The following BTBD1 variants were observed in gnomAD, a reference collection of about 807,000 sequenced individuals.
The protein encoded by BTBD1 is BTB domain containing 1.
A neutral mutation model predicts 48.0 loss-of-function variants in BTBD1; 34 were observed. The observed-to-expected ratio is 0.71, with a 90% CI of 0.54 to 0.94. The LOEUF is 0.94. BTBD1 is among the 40% of genes least tolerant of loss of function. The pLI, the probability that BTBD1 is intolerant of heterozygous loss-of-function variation, is 0.00. For missense variants in BTBD1, 543 were observed against 625.6 expected (o/e 0.87, Z 1.41); for synonymous variants, 261 against 242.1 (o/e 1.08, Z -0.72).
chr15:83,063,400 C>T (rs933855833), intron 1 of BTBD1, among the ~76,000 whole-genome samples: 1 of 152,118 alleles, frequency 6.6e-6, no homozygotes, highest in Non-Finnish European at 1.5e-5. Flanking sequence ...CTTGGAAGTC[C>T]TCTTGGTTGT....
At chr15:83,024,209 T>C (rs1397572701) in intron 5 of BTBD1, 1 of 152,206 alleles carries the variant, frequency 6.6e-6, no homozygotes, top group East Asian at 1.9e-4. Context: ...CATTTGCTCA[T>C]ATGCTTACTG....
chr15:83,056,248 T>C, intron 2 of BTBD1, 141 bp downstream of exon 2: 1 of 572,360 alleles, frequency 1.7e-6, no homozygotes, highest in Non-Finnish European at 2.9e-6. Flanking sequence ...ATCTGACATG[T>C]TTCCCTGATT....
In BTBD1 at chr15:83,041,732, T is replaced by C; in HGVS notation, c.858A>G (p.Ala286=). 6.2e-7 allele frequency: 1 copy of C among 1,614,024 alleles called. No individual in the cohort carries two copies. The highest frequency in any genetic ancestry group is 8.5e-7 in the Non-Finnish European group (1 of 1,179,864). ...TTGGTGAATTTATACCCTTACCTGC[T>C]GCAAATTCCTCAATTGTCATCAGTG... The part of the protein sequence containing the change: ...RFPLMTIEEF[A]AGPAQSGILS... Residue 286 remains alanine (A), a synonymous_variant, in exon 4 of 8, where the codon GCA becomes GCG. Coordinates refer to ENST00000261721, the MANE Select transcript of BTBD1 (RefSeq NM_025238.4).
chr15:83,051,875 T>TACACACACACACACACACACACAC (rs1187803458), intron 2 of BTBD1, among the ~76,000 whole-genome samples: 610 of 43,604 alleles, frequency 0.014, 8 homozygotes, highest in African/African-American at 0.029. Context: ...TTTCCATATA[T>TACACACACACACACACACACACAC]ATACACACAC....
At chr15:83,060,625 C>A (rs1248506544) in intron 1 of BTBD1, among the ~76,000 whole-genome samples, 1 of 151,948 alleles carries the variant, frequency 6.6e-6, no homozygotes, top group African/African-American at 2.4e-5. Flanking sequence ...AAAACCCCAT[C>A]TCTACTAAAA....
intron 4 of BTBD1, among the ~76,000 whole-genome samples, chr15:83,041,005 A>G (rs1246099705): frequency 6.6e-6 from 1 of 151,898 alleles, no homozygotes; most frequent in Non-Finnish European, 1.5e-5. Flanking sequence ...TTAAAAAATT[A>G]GCTGAGCATG....
At position 83,017,122 on chromosome 15, in the gene BTBD1, AG is replaced by A. The variant is rs1188430678; in HGVS notation, c.*944del. On this transcript the variant is annotated 3_prime_UTR_variant, in exon 8 of 8. Coordinates refer to ENST00000261721, the MANE Select transcript of BTBD1 (RefSeq NM_025238.4). ...TTTTACTTCCTAAATAGAAATGTGT[AG>A]GTGGCAGAAAGCGTATTTTTCAGCA... The A allele has an allele frequency of 1.3e-5, 2 of 152,686 alleles. No individual in the cohort carries two copies. Among genetic ancestry groups the A allele is most frequent in the Admixed American group, 1.3e-4 (2 of 15,284 alleles). The allele number at this position is 152,686 out of a possible 1,614,324, so 9.5% of individuals were successfully genotyped here.
At chr15:83,023,785 TCTCA>T (rs1200154260) in intron 5 of BTBD1, among the ~76,000 whole-genome samples, 25 of 152,332 alleles carry the variant, frequency 1.6e-4, no homozygotes, top group Middle Eastern at 3.4e-3. Context: ...ATCATTTTTC[TCTCA>T]CTCTTATCAA....
chr15:83,024,593 G>T (rs920356125), intron 5 of BTBD1, among the ~76,000 whole-genome samples: 3 of 152,092 alleles, frequency 2.0e-5, no homozygotes, highest in African/African-American at 7.2e-5. Flanking sequence ...GATCAGTAAG[G>T]ATCTAACTTA....
chr15:83,036,257 A>T (rs529473378), intron 4 of BTBD1, among the ~76,000 whole-genome samples: 1 of 152,318 alleles, frequency 6.6e-6, no homozygotes, highest in African/African-American at 2.4e-5. Context: ...CAAGTGAACC[A>T]AAACAGTTCA....
chr15:83,064,202 T>C lies in BTBD1; in HGVS notation c.401+2549A>G, dbSNP rs146809820. On this transcript the variant is annotated intron_variant, in intron 1 of 7. Transcript: ENST00000261721. ...TAACCTGCTCTTCCAACTTAGCAAGTACTATCAGGCATCTTTTTGTCACGT... is the reference window on the plus strand; with the variant it reads ...TAACCTGCTCTTCCAACTTAGCAAGCACTATCAGGCATCTTTTTGTCACGT... Among the ~76,000 whole-genome samples the C allele has an allele frequency of 3.6e-3, 547 of 152,342 alleles. 6 individuals are homozygous for C. Among genetic ancestry groups the C allele is most frequent in the African/African-American group, 0.012 (491 of 41,580 alleles).
In BTBD1 at chr15:83,053,949, C is replaced by T. The variant is rs372390129; in HGVS notation, c.558+2440G>A. Among the ~76,000 whole-genome samples, 12 of 152,320 alleles carry T rather than the reference C, an allele frequency of 7.9e-5. No homozygotes were observed. In the South Asian group the frequency reaches 1.9e-3, roughly 24 times the overall value. On this transcript the variant is annotated intron_variant, in intron 2 of 7. Coordinates refer to ENST00000261721, the MANE Select transcript of BTBD1 (RefSeq NM_025238.4). The stretch of plus-strand genomic sequence containing the variant: ...AGTATCACTAAACCTTCACAACTAT[C>T]GATTTTAGGTGAGACCTTAGTTTTA...
intron 5 of BTBD1, chr15:83,022,289 G>T (rs2032316320): frequency 6.7e-6 from 1 of 149,788 alleles, no homozygotes; most frequent in African/African-American, 2.5e-5. Context: ...GGTCTCAGAT[G>T]ATACTCCCAA....
chr15:83,047,277 T>C (rs151164539), intron 3 of BTBD1, among the ~76,000 whole-genome samples: 3 of 152,346 alleles, frequency 2.0e-5, no homozygotes, highest in East Asian at 3.9e-4. Context: ...ACACGGTATC[T>C]AATTAAGTAG....
intron 2 of BTBD1, among the ~76,000 whole-genome samples, chr15:83,051,009 A>G (rs923615680): frequency 2.6e-5 from 4 of 151,026 alleles, no homozygotes; most frequent in Admixed American, 6.6e-5. Flanking sequence ...TTATCAATAC[A>G]TATGTTATAA....
At chr15:83,052,271 G>A (rs1467408094) in intron 2 of BTBD1, among the ~76,000 whole-genome samples, 1 of 152,070 alleles carries the variant, frequency 6.6e-6, no homozygotes, top group Non-Finnish European at 1.5e-5. Context: ...ATAGAGACAA[G>A]GTTTCACCAT....
chr15:83,034,090 CAA>C (rs748026027), intron 4 of BTBD1, among the ~76,000 whole-genome samples: 30 of 67,128 alleles, frequency 4.5e-4, no homozygotes, highest in Non-Finnish European at 6.7e-4. Flanking sequence ...CTGTCTACAC[CAA>C]AAAAAAAAAA....
rs2033304304 is a variant in BTBD1 at position 83,067,247 on chromosome 15, A to T, written c.-96T>A. On this transcript the variant is annotated 5_prime_UTR_variant, in exon 1 of 8. Transcript: ENST00000261721. ...CGGCGCTGCCTCCCTGCCTTCCGGG[A>T]AAGGCGCTTCCGGGGGCCTCGCGCC... 1.6e-6 allele frequency: 2 copies of T among 1,240,208 alleles called. No individual in the cohort carries two copies. The highest frequency in any genetic ancestry group is 2.1e-6 in the Non-Finnish European group (2 of 970,760). The allele number at this position is 1,240,208 out of a possible 1,614,324, so 76.8% of individuals were successfully genotyped here.
intron 1 of BTBD1, 77 bp downstream of exon 1, chr15:83,066,674 A>G: frequency 7.9e-7 from 1 of 1,262,060 alleles, no homozygotes; most frequent in Admixed American, 4.3e-5. Flanking sequence ...GAGTCCGGGT[A>G]GGCCGGGCCC....
Sources: allele counts gnomAD v4.1 joint callset (sites outside exome capture counted in the v4.1 genomes callset), GRCh38; gene constraint gnomAD v4.1.1; transcripts MANE v1.5; gene names NCBI Gene and HGNC (gene_info 2026-07-23, HGNC 2026-07-21).